Variants in TUSC3 observed in about 807,000 individuals in gnomAD.
TUSC3 encodes the protein tumor suppressor candidate 3.
Under a neutral mutation model 44.8 loss-of-function variants are expected in TUSC3, and 45 were observed. The observed-to-expected ratio is 1.00, with a 90% CI of 0.79 to 1.29. The LOEUF (loss-of-function observed/expected upper bound fraction) is 1.29, where lower values mean the gene tolerates loss of function less well. Among genes scored for constraint, TUSC3 ranks in the 50% most tolerant of loss-of-function variants. The pLI is 0.00. For synonymous variants in TUSC3, 212 were observed against 152.9 expected, an observed-to-expected ratio of 1.39 and a Z score of -2.85; for missense variants, 519 against 437.9, an observed-to-expected ratio of 1.19 and a Z score of -1.65.
At chr8:15,494,200 C>T (rs930526639) in intron 2 of TUSC3, among the ~76,000 whole-genome samples, 9 of 151,988 alleles carry the variant, frequency 5.9e-5, no homozygotes, top group Non-Finnish European at 1.3e-4. Context: ...GATCTGAATT[C>T]CTTCATAGTC....
chr8:15,712,310 T>C (rs1809887902), intron 6 of TUSC3, among the ~76,000 whole-genome samples: 1 of 152,006 alleles, frequency 6.6e-6, no homozygotes, highest in Non-Finnish European at 1.5e-5. Flanking sequence ...AAACTATCTT[T>C]GTATTATCAT....
the TUSC3 span, among the ~76,000 whole-genome samples, chr8:15,820,470 C>T: frequency 6.6e-6 from 1 of 152,066 alleles, no homozygotes; most frequent in African/African-American, 2.4e-5. Context: ...CAGGTGCACA[C>T]CACCACGCCC....
chr8:15,524,920 C>T (rs1469802198), intron 2 of TUSC3, among the ~76,000 whole-genome samples: 2 of 152,192 alleles, frequency 1.3e-5, no homozygotes, highest in East Asian at 1.9e-4. Context: ...AAAAGACTAA[C>T]ACAGTTAACT....
chr8:15,738,902 G>T (rs1032122824), intron 7 of TUSC3, among the ~76,000 whole-genome samples: 1 of 136,268 alleles, frequency 7.3e-6, no homozygotes, highest in Non-Finnish European at 1.5e-5. Flanking sequence ...GTGCAATCTC[G>T]GCTCACTGCA....
At chr8:15,559,671 A>G (rs1286331002) in intron 1 of TUSC3, among the ~76,000 whole-genome samples, 1 of 136,046 alleles carries the variant, frequency 7.4e-6, no homozygotes, top group African/African-American at 2.7e-5. Flanking sequence ...GACTTGCTTT[A>G]TGAATCTTGG....
chr8:15,817,822 C>T, the TUSC3 span, among the ~76,000 whole-genome samples: 1,533 of 152,202 alleles, frequency 0.01, 15 homozygotes, highest in Non-Finnish European at 0.014. Flanking sequence ...AAGATCTTGT[C>T]CCCAAACTAT....
intron 6 of TUSC3, among the ~76,000 whole-genome samples, chr8:15,718,156 T>A (rs992535516): frequency 6.6e-6 from 1 of 152,052 alleles, no homozygotes; most frequent in African/African-American, 2.4e-5. Flanking sequence ...AAAGTAGTGA[T>A]TTTGGAAGAT....
chr8:15,482,748 T>G (rs978860629), intron 1 of TUSC3, among the ~76,000 whole-genome samples: 1 of 152,094 alleles, frequency 6.6e-6, no homozygotes, highest in Admixed American at 6.6e-5. Context: ...ATGTACAGAA[T>G]AATAGCAAAT....
chr8:15,687,033 A>G (rs569168841), intron 6 of TUSC3, among the ~76,000 whole-genome samples: 1 of 152,302 alleles, frequency 6.6e-6, no homozygotes, highest in Admixed American at 6.5e-5. Flanking sequence ...AGATCGTGCC[A>G]CTGCACTGCA....
chr8:15,640,091 T>A (rs1806295937), intron 2 of TUSC3, among the ~76,000 whole-genome samples: 1 of 152,120 alleles, frequency 6.6e-6, no homozygotes. Context: ...GAAGGGTGGT[T>A]CACTGTCCCT....
intron 1 of TUSC3, among the ~76,000 whole-genome samples, chr8:15,474,034 T>G (rs577386900): frequency 1.8e-4 from 28 of 152,198 alleles, no homozygotes; most frequent in South Asian, 8.3e-4. Context: ...TTTATAGACC[T>G]CCCGCCAGGA....
intron 2 of TUSC3, among the ~76,000 whole-genome samples, chr8:15,627,417 G>A (rs1051783127): frequency 3.3e-5 from 5 of 152,206 alleles, no homozygotes; most frequent in African/African-American, 9.6e-5. Flanking sequence ...CTCACCCTCC[G>A]GTTGTTTGTG....
chr8:15,489,671 A>T (rs983647048), intron 2 of TUSC3, among the ~76,000 whole-genome samples: 2 of 152,156 alleles, frequency 1.3e-5, no homozygotes, highest in African/African-American at 4.8e-5. Flanking sequence ...TGCCACAAAG[A>T]GTCTGTTTTG....
At chr8:15,603,913 A>G (rs1029985503) in intron 1 of TUSC3, among the ~76,000 whole-genome samples, 1 of 151,594 alleles carries the variant, frequency 6.6e-6, no homozygotes, top group Non-Finnish European at 1.5e-5. Flanking sequence ...TACAGATGCC[A>G]GTTTAAGAAC....
intron 1 of TUSC3, among the ~76,000 whole-genome samples, chr8:15,429,215 A>G (rs182557275): frequency 6.6e-6 from 1 of 152,324 alleles, no homozygotes; most frequent in African/African-American, 2.4e-5. Context: ...AGCACCATTT[A>G]TTAAATAGGG....
chr8:15,699,480 A>G (rs1198127649), intron 6 of TUSC3, among the ~76,000 whole-genome samples: 2 of 152,170 alleles, frequency 1.3e-5, no homozygotes, highest in Non-Finnish European at 2.9e-5. Context: ...AATCTAACAT[A>G]AAACCTAGCA....
the TUSC3 span, among the ~76,000 whole-genome samples, chr8:15,842,624 A>G: frequency 6.6e-6 from 1 of 152,294 alleles, no homozygotes; most frequent in Non-Finnish European, 1.5e-5. Context: ...GAGAGAAAGA[A>G]GGCTTGCAAT....
chr8:15,512,860 A>T (rs1801158655), intron 2 of TUSC3, among the ~76,000 whole-genome samples: 1 of 101,710 alleles, frequency 9.8e-6, no homozygotes, highest in African/African-American at 5.2e-5. Flanking sequence ...GTGTGTGTAT[A>T]TATATGTGTG....
At chr8:15,601,830 C>T (rs1186205634) in intron 1 of TUSC3, among the ~76,000 whole-genome samples, 5 of 151,556 alleles carry the variant, frequency 3.3e-5, no homozygotes, top group Non-Finnish European at 7.4e-5. Context: ...TTGTGGCTTG[C>T]TTTCTACCAG....
Sources: gnomAD v4.1 joint callset for allele counts (sites outside exome capture counted in the v4.1 genomes callset) on GRCh38, gnomAD v4.1.1 for gene constraint, MANE v1.5 for transcripts, NCBI Gene and HGNC (gene_info 2026-07-23, HGNC 2026-07-21) for gene names.